The following ANKRD26 variants were observed in gnomAD, a reference collection of about 807,000 sequenced individuals.
ANKRD26 encodes ankyrin repeat domain 26.
In ANKRD26, 141 loss-of-function variants were observed where a neutral mutation model predicts 208.7. That is an observed-to-expected ratio of 0.68 (90% CI 0.59 to 0.78). ANKRD26 has a LOEUF of 0.78. Among genes scored for constraint, ANKRD26 ranks in the 30% least tolerant of loss-of-function variants. The pLI, the probability that ANKRD26 is intolerant of heterozygous loss-of-function variation, is 0.00. For synonymous variants in ANKRD26, 636 were observed against 660.4 expected, an observed-to-expected ratio of 0.96 and a Z score of 0.57; for missense variants, 1,889 against 1,938.7, an observed-to-expected ratio of 0.97 and a Z score of 0.48.
downstream of ANKRD26, among the ~76,000 whole-genome samples, chr10:26,987,366 C>T (rs908935442): frequency 2.0e-5 from 3 of 152,148 alleles, no homozygotes; most frequent in African/African-American, 4.8e-5. Flanking sequence ...ACCAACATGG[C>T]ACATGTATAC....
intron 21 of ANKRD26, 41 bp downstream of exon 21, chr10:27,039,924 T>A: frequency 6.4e-7 from 1 of 1,561,866 alleles, no homozygotes; most frequent in Non-Finnish European, 8.8e-7. Context: ...ATATCTTTAG[T>A]ACAAATAGTT....
In ANKRD26 at chr10:27,091,982, T is replaced by A. The variant is rs372703634; in HGVS notation, c.638+424A>T. On this transcript the variant is annotated intron_variant, in intron 4 of 33. Coordinates refer to ENST00000376087, the MANE Select transcript of ANKRD26 (RefSeq NM_014915.3). ...AGCCTGAGTGACGGGGGAGACTCCA[T>A]GTAAAAAAAAAAAAAAGTAAACTAA... Among the ~76,000 whole-genome samples the A allele has an allele frequency of 8.2e-4, 116 of 140,858 alleles. 2 individuals carry two copies. The East Asian group carries it at 0.023, about 28-fold the overall frequency. 92.4% of individuals were successfully genotyped at this position (140,858 alleles called of 152,430 possible).
chr10:26,992,147 A>G (rs1278886030), intron 5 of ANKRD26: 1 of 152,116 alleles, frequency 6.6e-6, no homozygotes, highest in Non-Finnish European at 1.5e-5. Flanking sequence ...CTTTGCAGCC[A>G]TCTTATTTAG....
intron 30 of ANKRD26, among the ~76,000 whole-genome samples, chr10:27,015,244 C>G (rs1428976955): frequency 6.6e-6 from 1 of 152,130 alleles, no homozygotes; most frequent in Non-Finnish European, 1.5e-5. Flanking sequence ...ATGTAAGATA[C>G]AGGAACTTAG....
intron 29 of ANKRD26, among the ~76,000 whole-genome samples, chr10:27,018,141 A>ATTT (rs11346457): frequency 5.3e-5 from 7 of 131,162 alleles, no homozygotes; most frequent in South Asian, 2.5e-4. Flanking sequence ...ATGCCCTATA[A>ATTT]TTTTTTTTTT....
intron 1 of ANKRD26, among the ~76,000 whole-genome samples, chr10:27,097,436 TG>T (rs2056504289): frequency 6.6e-6 from 1 of 151,996 alleles, no homozygotes; most frequent in Non-Finnish European, 1.5e-5. Flanking sequence ...CACTCCAGCC[TG>T]GGCAACAGAG....
At chr10:26,990,840 T>C (rs2052473569), downstream of ANKRD26, among the ~76,000 whole-genome samples, 1 of 152,164 alleles carries the variant, frequency 6.6e-6, no homozygotes, top group African/African-American at 2.4e-5. Context: ...AAATAAACAC[T>C]GATCACACCA....
At chr10:27,048,672 T>C (rs2054543870) in intron 17 of ANKRD26, 129 bp downstream of exon 17, 5 of 878,990 alleles carry the variant, frequency 5.7e-6, no homozygotes, top group Admixed American at 2.9e-5. Context: ...ATTTTTCTAA[T>C]TGCAAGGCAA....
intron 28 of ANKRD26, among the ~76,000 whole-genome samples, chr10:27,023,967 A>C (rs1307898736): frequency 3.3e-5 from 2 of 60,124 alleles, no homozygotes. Context: ...TTTTCATGAT[A>C]TATTTTATTA....
At chr10:27,051,214 T>C (rs1005693305) in intron 16 of ANKRD26, 7 of 1,289,880 alleles carry the variant, frequency 5.4e-6, no homozygotes, top group Non-Finnish European at 7.1e-6. Flanking sequence ...GACCTCACAT[T>C]TTCTAATTCA....
At chr10:27,037,847 A>C in intron 22 of ANKRD26, 24 bp downstream of exon 22, 1 of 1,540,366 alleles carries the variant, frequency 6.5e-7, no homozygotes, top group Non-Finnish European at 8.9e-7. Context: ...AAAAATATAA[A>C]ATTTTTATCA....
Position 27,006,917 on chromosome 10 carries a change from C to A in ANKRD26, c.4999G>T (p.Ala1667Ser). Residue 1667 changes from alanine (A) to serine (S), a missense_variant and splice_region_variant, in exon 33 of 34, where the codon GCT becomes TCT. Ala to Ser is a moderately conservative substitution (Grantham distance 99, BLOSUM62 1). This residue lies in a region of ANKRD26 where 613 missense variants were observed against 648.2 expected (regional missense o/e 0.95). Coordinates refer to ENST00000376087, the MANE Select transcript of ANKRD26 (RefSeq NM_014915.3). ...EKNITRELKE[A>S]AAELESGSIA... Reference sequence around the variant, plus strand: ...TAATTCATGAAGTTTGGCAACATACCTTCTTTGAGTTCTCTAGTTATATTT... The same window carrying A: ...TAATTCATGAAGTTTGGCAACATACATTCTTTGAGTTCTCTAGTTATATTT... 1 of 1,607,708 alleles carries A rather than the reference C, an allele frequency of 6.2e-7. No individual in the cohort carries two copies. The highest frequency in any genetic ancestry group is 8.5e-7 in the Non-Finnish European group (1 of 1,175,472).
intron 9 of ANKRD26, 114 bp downstream of exon 9, chr10:27,077,224 C>A: frequency 1.1e-6 from 1 of 934,712 alleles, no homozygotes; most frequent in South Asian, 1.5e-5. Context: ...TGATTCATCA[C>A]ATAAACATAA....
chr10:27,098,173 G>A (rs908159273), intron 1 of ANKRD26, among the ~76,000 whole-genome samples: 1 of 151,406 alleles, frequency 6.6e-6, no homozygotes, highest in East Asian at 1.9e-4. Flanking sequence ...ACAAAGATCT[G>A]CTTTACCTTT....
rs184120869 is a variant in ANKRD26 at position 27,051,479 on chromosome 10, C to T, written c.1635+1841G>A. The T allele has an allele frequency of 5.2e-5, 55 of 1,062,688 alleles. No individual in the cohort carries two copies. The East Asian group carries it at 3.9e-3, about 75-fold the overall frequency. The allele number at this position is 1,062,688 out of a possible 1,614,324, so 65.8% of individuals were successfully genotyped here. A position where few individuals can be genotyped will look rare whatever the true frequency, so the allele number is the denominator to read the frequency against. The stretch of plus-strand genomic sequence containing the variant: ...GGTTCATATTTTTTGTCTTATCAAA[C>T]TCTTCTTTCATTACACCTGTAACTA... On this transcript the variant is annotated intron_variant, in intron 16 of 33. Coordinates refer to ENST00000376087, the MANE Select transcript of ANKRD26 (RefSeq NM_014915.3).
intron 5 of ANKRD26, among the ~76,000 whole-genome samples, chr10:26,976,717 C>G (rs956405271): frequency 6.6e-6 from 1 of 152,116 alleles, no homozygotes; most frequent in Non-Finnish European, 1.5e-5. Context: ...TTAGCCGTCA[C>G]ACAAGCTCAC....
intron 5 of ANKRD26, among the ~76,000 whole-genome samples, chr10:26,980,118 C>A (rs1318317967): frequency 6.6e-6 from 1 of 152,204 alleles, no homozygotes; most frequent in Non-Finnish European, 1.5e-5. Context: ...CAGCTGACAT[C>A]CCATAATATT....
At chr10:27,018,228 GGGTTCATGC>G (rs1003487383) in intron 29 of ANKRD26, among the ~76,000 whole-genome samples, 2 of 149,758 alleles carry the variant, frequency 1.3e-5, no homozygotes, top group Non-Finnish European at 2.9e-5. Context: ...TTTGCCTCCC[GGGTTCATGC>G]CATTCTCCTG....
the ANKRD26 span, among the ~76,000 whole-genome samples, chr10:26,964,696 G>A: frequency 6.6e-6 from 1 of 152,156 alleles, no homozygotes; most frequent in African/African-American, 2.4e-5. Flanking sequence ...TAGAGATACA[G>A]GACTGGAAAA....
Sources: allele counts gnomAD v4.1 joint callset (sites outside exome capture counted in the v4.1 genomes callset), GRCh38; gene constraint gnomAD v4.1.1; regional missense constraint gnomAD v4.1.1; transcripts MANE v1.5; gene names NCBI Gene and HGNC (gene_info 2026-07-23, HGNC 2026-07-21).